The following ME1 variants were observed in gnomAD, a reference collection of about 807,000 sequenced individuals.
ME1 encodes malic enzyme 1.
Under a neutral mutation model 66.4 loss-of-function variants are expected in ME1, and 74 were observed. The observed-to-expected ratio is 1.11, with a 90% CI of 0.92 to 1.35. ME1 has a LOEUF of 1.35. Among genes scored for constraint, ME1 ranks in the 40% most tolerant of loss-of-function variants. The pLI is 0.00. For missense variants in ME1, 750 were observed against 694.1 expected, an observed-to-expected ratio of 1.08 and a Z score of -0.90; for synonymous variants, 251 against 235.6, an observed-to-expected ratio of 1.07 and a Z score of -0.60.
At chr6:83,426,849 C>T (rs1353976238) in intron 1 of ME1, among the ~76,000 whole-genome samples, 1 of 152,114 alleles carries the variant, frequency 6.6e-6, no homozygotes, top group Non-Finnish European at 1.5e-5. Context: ...TTATTATTTA[C>T]TCTTAAGATA....
chr6:83,310,511 T>C (rs1239171283), intron 6 of ME1, among the ~76,000 whole-genome samples: 1 of 152,182 alleles, frequency 6.6e-6, no homozygotes, highest in Non-Finnish European at 1.5e-5. Flanking sequence ...TGGAATAGTC[T>C]GAGAAAGCTG....
chr6:83,259,861 A>C (rs540658577), intron 6 of ME1, among the ~76,000 whole-genome samples: 1 of 152,152 alleles, frequency 6.6e-6, no homozygotes, highest in East Asian at 1.9e-4. Context: ...GAAATGATGA[A>C]GATTCAGCCA....
intron 6 of ME1, among the ~76,000 whole-genome samples, chr6:83,298,870 G>A (rs1302756186): frequency 5.5e-5 from 8 of 144,502 alleles, no homozygotes; most frequent in South Asian, 2.2e-4. Context: ...AAGATCAGAC[G>A]GTTGGAGATG....
At chr6:83,258,652 A>C (rs1387001563) in intron 6 of ME1, among the ~76,000 whole-genome samples, 2 of 152,200 alleles carry the variant, frequency 1.3e-5, no homozygotes, top group African/African-American at 4.8e-5. Flanking sequence ...ATCTAGCACT[A>C]TGTGTCAGGC....
intron 2 of ME1, among the ~76,000 whole-genome samples, chr6:83,400,577 GACC>G (rs1393590287): frequency 6.6e-6 from 1 of 151,972 alleles, no homozygotes; most frequent in Non-Finnish European, 1.5e-5. Context: ...TCCAAAATCT[GACC>G]ACCTTTATTG....
In ME1 at chr6:83,237,763, G is replaced by T. The variant is rs774884114; in HGVS notation, c.980C>A (p.Ala327Asp). Residue 327 changes from alanine to aspartate, a missense_variant, in exon 9 of 14, where the codon GCC becomes GAC. Ala to Asp is a moderately radical substitution (Grantham distance 126). Coordinates refer to ENST00000369705, the MANE Select transcript of ME1 (RefSeq NM_002395.6). Reference sequence around the variant, plus strand: ...ATCAACCAGCCATATCTTTTTGATGGCTTTCTCTTTTGGTAAACCTTCTTT... The same window carrying T: ...ATCAACCAGCCATATCTTTTTGATGTCTTTCTCTTTTGGTAAACCTTCTTT... ...LEKEGLPKEK[A>D]IKKIWLVDSK... 1.2e-6 allele frequency: 2 copies of T among 1,607,568 alleles called. No individual in the cohort carries two copies. The highest frequency in any genetic ancestry group is 1.7e-6 in the Non-Finnish European group (2 of 1,176,610).
chr6:83,225,414 C>A (rs1369143646), intron 11 of ME1, among the ~76,000 whole-genome samples: 1 of 151,906 alleles, frequency 6.6e-6, no homozygotes. Flanking sequence ...AGCATCAAAT[C>A]CCCAAGGCAT....
chr6:83,212,718 T>A (rs1313546324), intron 13 of ME1, among the ~76,000 whole-genome samples: 2 of 43,634 alleles, frequency 4.6e-5, no homozygotes, highest in African/African-American at 1.1e-3. Context: ...GGTGCTATAT[T>A]TTTTTTCTAG....
chr6:83,381,167 T>C (rs1158443348), intron 3 of ME1, among the ~76,000 whole-genome samples: 1 of 152,038 alleles, frequency 6.6e-6, no homozygotes, highest in Non-Finnish European at 1.5e-5. Flanking sequence ...GGCAGAATTA[T>C]AGCACTCCAC....
rs573103116 is a variant in ME1 at position 83,275,445 on chromosome 6, T to C, written c.705-21707A>G. Among the ~76,000 whole-genome samples the C allele has an allele frequency of 2.0e-3, 297 of 151,142 alleles. 3 individuals are homozygous for C. The highest frequency in any genetic ancestry group is 7.0e-3 in the African/African-American group (287 of 41,092). ...AAAGTCTAGTGAATATTTTGAAAAT[T>C]AGGTAAAATAGTTTTGATCTTTTTT... On this transcript the variant is annotated intron_variant, in intron 6 of 13. Transcript: ENST00000369705.
chr6:83,298,484 G>C (rs147577935), intron 6 of ME1, among the ~76,000 whole-genome samples: 1 of 152,058 alleles, frequency 6.6e-6, no homozygotes, highest in Admixed American at 6.5e-5. Flanking sequence ...CAGATGGATA[G>C]ATTGCAAAAA....
At chr6:83,290,158 G>C (rs910159144) in intron 6 of ME1, among the ~76,000 whole-genome samples, 1 of 151,518 alleles carries the variant, frequency 6.6e-6, no homozygotes, top group Non-Finnish European at 1.5e-5. Context: ...GTTATTTCTC[G>C]TCTTCTGCTA....
chr6:83,324,829 C>G (rs561174308), intron 5 of ME1, among the ~76,000 whole-genome samples: 1 of 147,352 alleles, frequency 6.8e-6, no homozygotes, highest in Non-Finnish European at 1.5e-5. Context: ...CTATTCCAAA[C>G]AATAGAAAAA....
chr6:83,341,935 T>C (rs1380252531), intron 5 of ME1, among the ~76,000 whole-genome samples: 1 of 152,180 alleles, frequency 6.6e-6, no homozygotes, highest in African/African-American at 2.4e-5. Flanking sequence ...AGCCTCTGAT[T>C]GGTTGCTGTC....
intron 6 of ME1, among the ~76,000 whole-genome samples, chr6:83,278,302 T>A (rs1767226486): frequency 6.6e-6 from 1 of 152,120 alleles, no homozygotes; most frequent in South Asian, 2.1e-4. Flanking sequence ...TACTAGGAGG[T>A]CCAGTCTTAT....
At chr6:83,295,312 A>T (rs1467252577) in intron 6 of ME1, among the ~76,000 whole-genome samples, 1 of 152,208 alleles carries the variant, frequency 6.6e-6, no homozygotes, top group African/African-American at 2.4e-5. Flanking sequence ...AAACACAGAG[A>T]TGAGAAAAAA....
chr6:83,230,906 C>T (rs1171249291), intron 9 of ME1, among the ~76,000 whole-genome samples: 1 of 151,918 alleles, frequency 6.6e-6, no homozygotes, highest in Non-Finnish European at 1.5e-5. Flanking sequence ...GCACTCCAGC[C>T]TGGGCGACAG....
At chr6:83,321,665 A>G (rs1246472752) in intron 5 of ME1, among the ~76,000 whole-genome samples, 1 of 152,188 alleles carries the variant, frequency 6.6e-6, no homozygotes, top group Non-Finnish European at 1.5e-5. Context: ...GGTCTTATAG[A>G]TAAAACTCCT....
At chr6:83,323,520 A>C (rs1170341) in intron 5 of ME1, among the ~76,000 whole-genome samples, 43,834 of 151,186 alleles carry the variant, frequency 0.29, 6,874 homozygotes, top group Middle Eastern at 0.49. Context: ...CAAAAAAAAA[A>C]CCCCAGAGGT....
Sources: allele counts gnomAD v4.1 joint callset (sites outside exome capture counted in the v4.1 genomes callset), GRCh38; gene constraint gnomAD v4.1.1; transcripts MANE v1.5; gene names NCBI Gene and HGNC (gene_info 2026-07-23, HGNC 2026-07-21).